Variants in GRK7 observed in about 807,000 individuals in gnomAD.
GRK7 encodes the protein G protein-coupled receptor kinase 7.
A neutral mutation model predicts 34.1 loss-of-function variants in GRK7; 24 were observed. The observed-to-expected ratio is 0.70, with a 90% CI of 0.51 to 0.99. The LOEUF is 0.99. Ranked by LOEUF, GRK7 falls within the 50% of genes least tolerant of loss-of-function variation. The pLI is 0.00. For missense variants in GRK7, 644 were observed against 707.3 expected (o/e 0.91, Z 1.02); for synonymous variants, 256 against 279.4 (o/e 0.92, Z 0.84).
chr3:141,817,032 C>A lies in GRK7; in HGVS notation c.1644C>A (p.Gly548=), dbSNP rs762666703. 2 of 1,602,160 alleles carry A rather than the reference C, an allele frequency of 1.2e-6. No homozygotes were observed. The highest frequency in any genetic ancestry group is 1.1e-5 in the South Asian group (1 of 89,664). The part of the protein sequence containing the change: ...GCEEGNSSKS[G]VCLLL The stretch of plus-strand genomic sequence containing the variant: ...AGGAGGGTAATTCATCCAAGTCTGG[C>A]GTGTGTTTGTTATTGTAAATTGCTC... The change falls in exon 6 of 6, where the codon GGC becomes GGA. Residue 548 remains glycine (G), a synonymous_variant. Coordinates refer to ENST00000682958, the MANE Select transcript of GRK7 (RefSeq NM_139209.3).
chr3:141,807,798 G>A lies in GRK7; in HGVS notation c.1204G>A (p.Asp402Asn), dbSNP rs150840377. Residue 402 changes from aspartate (D) to asparagine (N), a missense_variant, in exon 5 of 6, where the codon GAT becomes AAT. By Grantham distance (23) the Asp-to-Asn change is conservative (BLOSUM62 1). Transcript: ENST00000682958. ...KDYKEKVSKE[D>N]LKQRTLQDEV... ...TTACAAGGAAAAGGTCAGTAAAGAG[G>A]ATCTGAAGCAAAGAACTCTGCAAGA... 6,123 of 1,614,194 alleles carry A rather than the reference G, an allele frequency of 3.8e-3. 43 individuals are homozygous for A. Among genetic ancestry groups the A allele is most frequent in the South Asian group, 0.015 (1,398 of 91,084 alleles).
chr3:141,806,568 T>A (rs530949129), intron 4 of GRK7, among the ~76,000 whole-genome samples: 278 of 149,622 alleles, frequency 1.9e-3, no homozygotes, highest in Middle Eastern at 7.0e-3. Context: ...ATCTCAAAAA[T>A]ATATATATAT....
At chr3:141,762,989 G>A (rs199690234), upstream of GRK7, among the ~76,000 whole-genome samples, 5 of 152,092 alleles carry the variant, frequency 3.3e-5, no homozygotes, top group South Asian at 2.1e-4. Context: ...TTCGGCTCGC[G>A]CCCGGTGCGC....
chr3:141,780,007 C>A (rs115394246), intron 3 of GRK7, among the ~76,000 whole-genome samples: 2,970 of 152,272 alleles, frequency 0.02, 104 homozygotes, highest in African/African-American at 0.068. Flanking sequence ...TCCTTGTTTT[C>A]ATTTCTCTTG....
the GRK7 span, among the ~76,000 whole-genome samples, chr3:141,753,101 A>G: frequency 1.2e-4 from 19 of 152,328 alleles, no homozygotes; most frequent in African/African-American, 4.6e-4. Flanking sequence ...GGTGGAAGGA[A>G]AATGGTCCGA....
At chr3:141,762,921 T>C (rs567340594), upstream of GRK7, among the ~76,000 whole-genome samples, 12 of 151,858 alleles carry the variant, frequency 7.9e-5, no homozygotes, top group East Asian at 5.9e-4. Flanking sequence ...TTCTTTGACT[T>C]GGAAAGGGAA....
At chr3:141,809,133 C>T (rs1183958250) in intron 5 of GRK7, among the ~76,000 whole-genome samples, 2 of 151,958 alleles carry the variant, frequency 1.3e-5, no homozygotes, top group African/African-American at 2.4e-5. Context: ...ACCCAGGAGG[C>T]GGAGGTTGCA....
At chr3:141,750,702 G>A in the GRK7 span, among the ~76,000 whole-genome samples, 1 of 151,574 alleles carries the variant, frequency 6.6e-6, no homozygotes, top group South Asian at 2.1e-4. Flanking sequence ...TATGATGTGT[G>A]TGTGCAGCTA....
chr3:141,768,447 T>G (rs1196494205), intron 1 of GRK7, among the ~76,000 whole-genome samples: 3 of 151,906 alleles, frequency 2.0e-5, no homozygotes, highest in African/African-American at 7.3e-5. Context: ...CTGGCTAATT[T>G]TTTTGTATTT....
rs1364950289 is a variant in GRK7 at position 141,817,055 on chromosome 3, C to A, written c.*5C>A. ...GGCGTGTGTTTGTTATTGTAAATTGCTCTCTTTACCAGACAGGCAGCAGGA... is the reference window on the plus strand; with the variant it reads ...GGCGTGTGTTTGTTATTGTAAATTGATCTCTTTACCAGACAGGCAGCAGGA... On this transcript the variant is annotated 3_prime_UTR_variant, in exon 6 of 6. Transcript: ENST00000682958. The A allele has an allele frequency of 6.3e-7, 1 of 1,576,868 alleles. No homozygotes were observed. Among genetic ancestry groups the A allele is most frequent in the South Asian group, 1.2e-5 (1 of 86,470 alleles).
At chr3:141,756,660 C>A in the GRK7 span, among the ~76,000 whole-genome samples, 8 of 152,168 alleles carry the variant, frequency 5.3e-5, no homozygotes, top group East Asian at 1.5e-3. Context: ...CTATGTAAAA[C>A]CTGAATTTTT....
chr3:141,755,370 C>G, the GRK7 span, among the ~76,000 whole-genome samples: 1 of 152,198 alleles, frequency 6.6e-6, no homozygotes, highest in African/African-American at 2.4e-5. Flanking sequence ...ATGAATGAAT[C>G]TAATGCTCTT....
chr3:141,778,128 A>G lies in GRK7; in HGVS notation c.-113-44A>G, dbSNP rs1490765566. ...TATACATAGCCAGTCAAAGCTTCTTACAAGAGAAACCTCTTTCACACCCTC... is the reference window on the plus strand; with the variant it reads ...TATACATAGCCAGTCAAAGCTTCTTGCAAGAGAAACCTCTTTCACACCCTC... On this transcript the variant is annotated intron_variant, in intron 2 of 5. Coordinates refer to ENST00000682958, the MANE Select transcript of GRK7 (RefSeq NM_139209.3). The surrounding 1 kb of genome is among the most constrained non-coding windows in gnomAD (Gnocchi z 4.1). 4.5e-6 allele frequency: 4 copies of G among 880,724 alleles called. No individual in the cohort carries two copies. The East Asian group carries it at 1.1e-4, about 23-fold the overall frequency. 54.6% of individuals were successfully genotyped at this position (880,724 alleles called of 1,614,324 possible). A position where few individuals can be genotyped will look rare whatever the true frequency, so the allele number is the denominator to read the frequency against.
chr3:141,815,385 G>A lies in GRK7; in HGVS notation c.1326-1329G>A, dbSNP rs368322423. ...ATATGTTTGTTGTCCACTTGTATGTGGAAGATGTTTCTTAATCAGACCAGG... is the reference window on the plus strand; with the variant it reads ...ATATGTTTGTTGTCCACTTGTATGTAGAAGATGTTTCTTAATCAGACCAGG... On this transcript the variant is annotated intron_variant, in intron 5 of 5. Transcript: ENST00000682958. 1.1e-4 allele frequency among the ~76,000 whole-genome samples: 17 copies of A among 152,114 alleles called. No homozygotes were observed. In the East Asian group the frequency reaches 1.4e-3, roughly 12 times the overall value.
chr3:141,780,244 A>C, intron 3 of GRK7, 130 bp from the exon 4 acceptor site: 2 of 749,058 alleles, frequency 2.7e-6, no homozygotes, highest in Non-Finnish European at 4.3e-6. Flanking sequence ...TCTTGAGAAC[A>C]CTTCTTATTT....
At position 141,818,797 on chromosome 3, in the gene GRK7, G is replaced by T. The variant is rs748050231; in HGVS notation, c.*1747G>T. Among the ~76,000 whole-genome samples, 1 of 152,160 alleles carries T rather than the reference G, an allele frequency of 6.6e-6. No individual in the cohort carries two copies. The highest frequency in any genetic ancestry group is 1.5e-5 in the Non-Finnish European group (1 of 68,024). The stretch of plus-strand genomic sequence containing the variant: ...TTAAGGATTCAAGAGCTGCAAAAGT[G>T]CCGGTCAAAAAAATGTTGGTTAACT... On this transcript the variant is annotated 3_prime_UTR_variant, in exon 6 of 6. Transcript: ENST00000682958.
At chr3:141,775,543 A>C (rs1361692916) in intron 2 of GRK7, among the ~76,000 whole-genome samples, 1 of 152,186 alleles carries the variant, frequency 6.6e-6, no homozygotes, top group African/African-American at 2.4e-5. Context: ...ATAAGTAGCC[A>C]CATGTGGCTA....
chr3:141,751,100 CTT>C, the GRK7 span, among the ~76,000 whole-genome samples: 13 of 152,172 alleles, frequency 8.5e-5, no homozygotes, highest in African/African-American at 2.9e-4. Flanking sequence ...CTCAAAAACT[CTT>C]TAAACTATTT....
At chr3:141,809,698 T>TA (rs569304965) in intron 5 of GRK7, among the ~76,000 whole-genome samples, 2 of 151,598 alleles carry the variant, frequency 1.3e-5, no homozygotes, top group South Asian at 2.1e-4. Context: ...ACCCTGTCTC[T>TA]AAAAAAAAGA....
Sources: allele counts gnomAD v4.1 joint callset (sites outside exome capture counted in the v4.1 genomes callset), GRCh38; gene constraint gnomAD v4.1.1; non-coding constraint Gnocchi (gnomAD v3.1); transcripts MANE v1.5; gene names NCBI Gene and HGNC (gene_info 2026-07-23, HGNC 2026-07-21).